Variants in KCNQ3 observed in about 807,000 individuals in gnomAD.
KCNQ3 encodes the protein potassium voltage-gated channel subfamily KQT member 3.
A neutral mutation model predicts 92.5 loss-of-function variants in KCNQ3; 30 were observed. The ratio of observed to expected loss-of-function variants is 0.32; its 90% CI spans 0.24 to 0.44. KCNQ3 has a LOEUF of 0.44. Among genes scored for constraint, KCNQ3 ranks in the 20% least tolerant of loss-of-function variants. KCNQ3 has a pLI of 1.00. For synonymous variants in KCNQ3, 450 were observed against 468.8 expected, an observed-to-expected ratio of 0.96 and a Z score of 0.52; for missense variants, 913 against 1,140.3, an observed-to-expected ratio of 0.80 and a Z score of 2.87.
chr8:132,422,583 C>T (rs1034716388), intron 1 of KCNQ3, among the ~76,000 whole-genome samples: 4 of 152,166 alleles, frequency 2.6e-5, no homozygotes, highest in Admixed American at 6.5e-5. Context: ...TCTCAGGACA[C>T]GTGATCCTCC....
At chr8:132,440,624 G>A (rs1374682168) in intron 1 of KCNQ3, among the ~76,000 whole-genome samples, 7 of 152,134 alleles carry the variant, frequency 4.6e-5, no homozygotes, top group African/African-American at 1.7e-4. Context: ...CCCACGCCAC[G>A]AAGACAAGGA....
chr8:132,382,070 A>G (rs1819766014), intron 1 of KCNQ3, among the ~76,000 whole-genome samples: 1 of 152,266 alleles, frequency 6.6e-6, no homozygotes, highest in African/African-American at 2.4e-5. Context: ...ACTGCCTCCC[A>G]GGGCAGGCTG....
intron 1 of KCNQ3, among the ~76,000 whole-genome samples, chr8:132,238,155 G>A (rs980499316): frequency 5.3e-5 from 8 of 152,008 alleles, no homozygotes; most frequent in Non-Finnish European, 8.8e-5. Context: ...TTTCCCTTTC[G>A]GTGCACTAAA....
At chr8:132,400,601 A>G (rs1820308203) in intron 1 of KCNQ3, among the ~76,000 whole-genome samples, 1 of 152,228 alleles carries the variant, frequency 6.6e-6, no homozygotes, top group Non-Finnish European at 1.5e-5. Flanking sequence ...CTTCTGAGGA[A>G]GCCCACGTGG....
intron 1 of KCNQ3, among the ~76,000 whole-genome samples, chr8:132,280,051 T>C (rs909677362): frequency 6.6e-6 from 1 of 152,182 alleles, no homozygotes; most frequent in African/African-American, 2.4e-5. Context: ...GTGCTGGTGA[T>C]AACAGCAATG....
intron 1 of KCNQ3, among the ~76,000 whole-genome samples, chr8:132,366,965 A>G (rs1216894977): frequency 6.6e-6 from 1 of 152,200 alleles, no homozygotes; most frequent in East Asian, 1.9e-4. Context: ...TGCTTCATAA[A>G]AAAAACTTTG....
At chr8:132,424,256 C>A (rs949916177) in intron 1 of KCNQ3, among the ~76,000 whole-genome samples, 1 of 151,818 alleles carries the variant, frequency 6.6e-6, no homozygotes. Context: ...AATAGACGTG[C>A]CCCCCACCCC....
intron 1 of KCNQ3, among the ~76,000 whole-genome samples, chr8:132,339,155 C>T (rs931439365): frequency 3.3e-5 from 5 of 152,176 alleles, no homozygotes; most frequent in Non-Finnish European, 5.9e-5. Flanking sequence ...CTATTCCCCT[C>T]TCTAGGCCTG....
At chr8:132,393,684 C>A (rs1820109904) in intron 1 of KCNQ3, among the ~76,000 whole-genome samples, 1 of 152,176 alleles carries the variant, frequency 6.6e-6, no homozygotes, top group South Asian at 2.1e-4. Context: ...TCAATCATGT[C>A]ATTTCATCCA....
intron 1 of KCNQ3, among the ~76,000 whole-genome samples, chr8:132,328,862 T>A (rs992996392): frequency 6.6e-6 from 1 of 152,138 alleles, no homozygotes; most frequent in South Asian, 2.1e-4. Flanking sequence ...ACTGCAACAC[T>A]TCCTAACAAG....
intron 1 of KCNQ3, among the ~76,000 whole-genome samples, chr8:132,288,730 T>C (rs926346978): frequency 2.0e-5 from 3 of 152,162 alleles, no homozygotes; most frequent in Non-Finnish European, 4.4e-5. Flanking sequence ...CTCTGGATCT[T>C]GAGATCCTTC....
chr8:132,190,320 T>C (rs955522809), intron 1 of KCNQ3, among the ~76,000 whole-genome samples: 1 of 152,168 alleles, frequency 6.6e-6, no homozygotes, highest in African/African-American at 2.4e-5. Context: ...CTTCTAACAA[T>C]AGAATATGCC....
intron 9 of KCNQ3, among the ~76,000 whole-genome samples, chr8:132,158,259 G>A (rs1825869077): frequency 6.6e-6 from 1 of 152,176 alleles, no homozygotes; most frequent in Non-Finnish European, 1.5e-5. Context: ...GATTGATTGA[G>A]CTCTAAATTC....
chr8:132,199,665 T>G (rs910679030), intron 1 of KCNQ3, among the ~76,000 whole-genome samples: 3 of 152,180 alleles, frequency 2.0e-5, no homozygotes, highest in Non-Finnish European at 4.4e-5. Flanking sequence ...ATCCCAGCAC[T>G]TTGGGAAGCC....
intron 1 of KCNQ3, among the ~76,000 whole-genome samples, chr8:132,262,355 C>G (rs546169656): frequency 6.6e-6 from 1 of 152,064 alleles, no homozygotes; most frequent in Non-Finnish European, 1.5e-5. Flanking sequence ...GAATTGTACA[C>G]TTTAAATGGG....
chr8:132,171,972 A>G (rs1826379143), intron 7 of KCNQ3, among the ~76,000 whole-genome samples: 1 of 151,824 alleles, frequency 6.6e-6, no homozygotes, highest in Non-Finnish European at 1.5e-5. Context: ...CCTGGGCAAC[A>G]TAGTAAGACC....
intron 9 of KCNQ3, among the ~76,000 whole-genome samples, chr8:132,155,446 A>T (rs2130036907): frequency 6.6e-6 from 1 of 152,312 alleles, no homozygotes; most frequent in African/African-American, 2.4e-5. Context: ...GTTGCAAATC[A>T]GGATAACAAT....
intron 1 of KCNQ3, among the ~76,000 whole-genome samples, chr8:132,313,429 GTT>G (rs1383830984): frequency 2.6e-5 from 4 of 152,054 alleles, no homozygotes; most frequent in African/African-American, 9.7e-5. Flanking sequence ...TTTTTTTAAT[GTT>G]ACCATATGGA....
intron 1 of KCNQ3, among the ~76,000 whole-genome samples, chr8:132,271,206 G>A (rs1816137406): frequency 6.6e-6 from 1 of 152,230 alleles, no homozygotes; most frequent in Non-Finnish European, 1.5e-5. Context: ...CATTGCTCCA[G>A]GACTTGGGCC....
Sources: allele counts gnomAD v4.1 joint callset (sites outside exome capture counted in the v4.1 genomes callset), GRCh38; gene constraint gnomAD v4.1.1; transcripts MANE v1.5; gene names NCBI Gene and HGNC (gene_info 2026-07-23, HGNC 2026-07-21).